The following SNX31 variants were observed in gnomAD, a reference collection of about 807,000 sequenced individuals.
SNX31 encodes sorting nexin 31.
Under a neutral mutation model 65.4 loss-of-function variants are expected in SNX31, and 58 were observed. The ratio of observed to expected loss-of-function variants is 0.89; its 90% CI spans 0.72 to 1.10. The LOEUF is 1.10. Ranked by LOEUF, SNX31 falls within the 50% of genes least tolerant of loss-of-function variation. The pLI, the probability that SNX31 is intolerant of heterozygous loss-of-function variation, is 0.00. For missense variants in SNX31, 523 were observed against 529.7 expected (o/e 0.99, Z 0.12); for synonymous variants, 181 against 190.1 (o/e 0.95, Z 0.39).
rs1042041789 is a variant in SNX31 at position 100,604,904 on chromosome 8, T to C, written c.681+3590A>G. Among the ~76,000 whole-genome samples, 1 of 152,096 alleles carries C rather than the reference T, an allele frequency of 6.6e-6. No homozygotes were observed. Among genetic ancestry groups the C allele is most frequent in the Admixed American group, 6.5e-5 (1 of 15,270 alleles). ...AAGAATGACTGCTTCTTAGTCTTTT[T>C]TTTTCTTTTTTTTTGACAGAGTCTC... On this transcript the variant is annotated intron_variant, in intron 8 of 13. Transcript: ENST00000311812. This position sits in a 1 kb window ranked among gnomAD's most constrained non-coding sequence, Gnocchi z 4.3.
At chr8:100,591,088 A>C (rs1814527394) in intron 10 of SNX31, among the ~76,000 whole-genome samples, 1 of 152,206 alleles carries the variant, frequency 6.6e-6, no homozygotes, top group African/African-American at 2.4e-5. Context: ...CGAGAGCTCT[A>C]GGGAGTTTTT....
In SNX31 at chr8:100,599,742, G is replaced by A. The variant is rs550159779; in HGVS notation, c.774+607C>T. On this transcript the variant is annotated intron_variant, in intron 9 of 13. Coordinates refer to ENST00000311812, the MANE Select transcript of SNX31 (RefSeq NM_152628.4). ...GAGGCCATTTCTTCTGTTAAAATAC[G>A]TCTTGTCTGTCAGACACATTCGCTG... Among the ~76,000 whole-genome samples, 5 of 152,266 alleles carry A rather than the reference G, an allele frequency of 3.3e-5. No individual in the cohort carries two copies. The South Asian group carries it at 6.2e-4, about 19-fold the overall frequency.
At chr8:100,589,165 G>A (rs1323309985) in intron 10 of SNX31, among the ~76,000 whole-genome samples, 186 bp from the exon 11 acceptor site, 1 of 152,142 alleles carries the variant, frequency 6.6e-6, no homozygotes, top group Non-Finnish European at 1.5e-5. Context: ...ACCAGGCGTG[G>A]TGGCAGGGGC....
In SNX31 at chr8:100,604,162, G is replaced by C. The variant is rs1302781688; in HGVS notation, c.682-3721C>G. Among the ~76,000 whole-genome samples the C allele has an allele frequency of 6.6e-6, 1 of 152,156 alleles. No homozygotes were observed. Among genetic ancestry groups the C allele is most frequent in the African/African-American group, 2.4e-5 (1 of 41,440 alleles). On this transcript the variant is annotated intron_variant, in intron 8 of 13. Transcript: ENST00000311812. The surrounding 1 kb of genome is among the most constrained non-coding windows in gnomAD (Gnocchi z 4.3). ...GACAATGAGAGTCGAGTCTAGACAA[G>C]TCTACTCAGTTACACGGTTCCCTGA...
At chr8:100,586,528 A>G (rs1226656430) in intron 11 of SNX31, among the ~76,000 whole-genome samples, 1 of 152,204 alleles carries the variant, frequency 6.6e-6, no homozygotes, top group Non-Finnish European at 1.5e-5. Context: ...AGTAAAATTT[A>G]ACCGCACTTA....
At chr8:100,640,135 C>A (rs1241987584) in intron 2 of SNX31, among the ~76,000 whole-genome samples, 2 of 151,858 alleles carry the variant, frequency 1.3e-5, no homozygotes, top group African/African-American at 4.8e-5. Context: ...CTTTTCTTTT[C>A]TTTTTTTTGG....
At chr8:100,600,499 A>C (rs1171282744) in intron 8 of SNX31, 58 bp from the exon 9 acceptor site, 7 of 1,398,936 alleles carry the variant, frequency 5.0e-6, no homozygotes, top group Admixed American at 1.9e-5. Flanking sequence ...TCAATCTGAC[A>C]AAAACATACT....
At chr8:100,654,543 G>C (rs760274007), upstream of SNX31, among the ~76,000 whole-genome samples, 1 of 152,216 alleles carries the variant, frequency 6.6e-6, no homozygotes, top group Non-Finnish European at 1.5e-5. Context: ...AGATTTGAGG[G>C]ATGACATCAG....
At chr8:100,628,242 A>G (rs1818176744) in intron 4 of SNX31, among the ~76,000 whole-genome samples, 2 of 152,220 alleles carry the variant, frequency 1.3e-5, no homozygotes, top group Non-Finnish European at 2.9e-5. Flanking sequence ...ATTACTGGGT[A>G]TATACCCAAA....
chr8:100,632,973 G>A (rs1002193088), intron 3 of SNX31, among the ~76,000 whole-genome samples: 1 of 152,130 alleles, frequency 6.6e-6, no homozygotes, highest in Admixed American at 6.5e-5. Flanking sequence ...TGCCCAGCAT[G>A]GAGTGCAGTG....
chr8:100,614,639 C>T lies in SNX31; in HGVS notation c.433-1554G>A, dbSNP rs1175182370. On this transcript the variant is annotated intron_variant, in intron 5 of 13. Transcript: ENST00000311812. The surrounding 1 kb of genome is among the most constrained non-coding windows in gnomAD (Gnocchi z 5.1). The stretch of plus-strand genomic sequence containing the variant: ...CCTGTAATCCCAGCACTTTGGAAGG[C>T]TGAGGCGGGTTGATCACCTAAGGTC... Among the ~76,000 whole-genome samples the T allele has an allele frequency of 3.3e-5, 5 of 152,128 alleles. No individual in the cohort carries two copies. In the South Asian group the frequency reaches 1.0e-3, roughly 31 times the overall value.
rs554273418 is a variant in SNX31, at chr8:100,597,247, CT to C, written c.775-406del. ...AAGTAAACAAAAAAGTGTACATTGG[CT>C]TTTTTTTTTTTTAGACGGAGTCTCG... On this transcript the variant is annotated intron_variant, in intron 9 of 13. Coordinates refer to ENST00000311812, the MANE Select transcript of SNX31 (RefSeq NM_152628.4). 8.1e-3 allele frequency among the ~76,000 whole-genome samples: 1,172 copies of C among 144,470 alleles called. 3 individuals are homozygous for C. Among genetic ancestry groups the C allele is most frequent in the African/African-American group, 0.014 (559 of 39,686 alleles). 94.8% of individuals were successfully genotyped at this position (144,470 alleles called of 152,430 possible).
At chr8:100,640,638 T>TA (rs1366496079) in intron 2 of SNX31, among the ~76,000 whole-genome samples, 1 of 152,220 alleles carries the variant, frequency 6.6e-6, no homozygotes, top group Non-Finnish European at 1.5e-5. Flanking sequence ...TAGTAGGTAC[T>TA]CTTGATACGA....
chr8:100,639,245 C>T (rs986960697), intron 2 of SNX31, among the ~76,000 whole-genome samples: 3 of 152,052 alleles, frequency 2.0e-5, no homozygotes, highest in African/African-American at 7.2e-5. Context: ...TTGGGGAATC[C>T]GAGGATGGAA....
intron 2 of SNX31, among the ~76,000 whole-genome samples, chr8:100,643,344 C>T (rs1819400695): frequency 6.6e-6 from 1 of 152,124 alleles, no homozygotes. Context: ...ACTGCATTCA[C>T]ACCCCCCTAT....
intron 8 of SNX31, among the ~76,000 whole-genome samples, chr8:100,601,296 A>C (rs894450450): frequency 6.6e-6 from 1 of 152,254 alleles, no homozygotes; most frequent in African/African-American, 2.4e-5. Context: ...AGGCTATGCT[A>C]TCATTAAAAA....
chr8:100,640,884 G>C (rs1819123469), intron 2 of SNX31, among the ~76,000 whole-genome samples: 1 of 152,150 alleles, frequency 6.6e-6, no homozygotes, highest in Non-Finnish European at 1.5e-5. Flanking sequence ...ACTGGCCAGG[G>C]TCCTGGAAGA....
At chr8:100,585,223 C>T (rs969002983) in intron 11 of SNX31, among the ~76,000 whole-genome samples, 2 of 152,178 alleles carry the variant, frequency 1.3e-5, no homozygotes, top group African/African-American at 4.8e-5. Context: ...TTCCCATTTG[C>T]TCCTTTCCCA....
rs1017155653 is a variant in SNX31 at position 100,629,532 on chromosome 8, T to G, written c.321+795A>C. On this transcript the variant is annotated intron_variant, in intron 4 of 13. Transcript: ENST00000311812. The surrounding 1 kb of genome is among the most constrained non-coding windows in gnomAD (Gnocchi z 5.1). ...CATGAGATTTGTTGTGAGAACCCAA[T>G]GGGATTTTATTTTATAAATGAGTAA... 2.0e-5 allele frequency among the ~76,000 whole-genome samples: 3 copies of G among 152,182 alleles called. No homozygotes were observed. Among genetic ancestry groups the G allele is most frequent in the Non-Finnish European group, 1.5e-5 (1 of 68,020 alleles).
Sources: gnomAD v4.1 joint callset for allele counts (sites outside exome capture counted in the v4.1 genomes callset) on GRCh38, gnomAD v4.1.1 for gene constraint, Gnocchi (gnomAD v3.1) non-coding constraint, MANE v1.5 for transcripts, NCBI Gene and HGNC (gene_info 2026-07-23, HGNC 2026-07-21) for gene names.